Variants in THSD4 observed in about 807,000 individuals in gnomAD.
THSD4 encodes the protein thrombospondin type 1 domain containing 4.
Under a neutral mutation model 119.0 loss-of-function variants are expected in THSD4, and 69 were observed. The ratio of observed to expected loss-of-function variants is 0.58; its 90% CI spans 0.48 to 0.71. The LOEUF is 0.71. Ranked by LOEUF, THSD4 falls within the 30% of genes least tolerant of loss-of-function variation. THSD4 has a pLI of 0.00. For synonymous variants in THSD4, 524 were observed against 540.4 expected, an observed-to-expected ratio of 0.97 and a Z score of 0.42; for missense variants, 1,393 against 1,391.1, an observed-to-expected ratio of 1.00 and a Z score of -0.02.
intron 6 of THSD4, among the ~76,000 whole-genome samples, chr15:71,366,937 G>C (rs1485690661): frequency 6.6e-6 from 1 of 152,154 alleles, no homozygotes; most frequent in Non-Finnish European, 1.5e-5. Context: ...CCTTCTCCTT[G>C]GCAGAGGGAA....
At chr15:71,267,226 C>G (rs1382679154) in intron 6 of THSD4, among the ~76,000 whole-genome samples, 1 of 152,160 alleles carries the variant, frequency 6.6e-6, no homozygotes, top group African/African-American at 2.4e-5. Context: ...GTCGGGTTAC[C>G]CACAAAGGGA....
intron 6 of THSD4, among the ~76,000 whole-genome samples, chr15:71,266,019 A>T (rs1011295310): frequency 6.6e-6 from 1 of 152,180 alleles, no homozygotes; most frequent in Non-Finnish European, 1.5e-5. Context: ...GAAGGGGCGG[A>T]TGTGAGCGCA....
intron 6 of THSD4, among the ~76,000 whole-genome samples, chr15:71,384,718 A>G (rs982611702): frequency 6.6e-6 from 1 of 152,222 alleles, no homozygotes; most frequent in South Asian, 2.1e-4. Flanking sequence ...TGCACTTCTT[A>G]AAGTGCAGTG....
At chr15:71,149,539 G>C (rs756202508) in intron 2 of THSD4, among the ~76,000 whole-genome samples, 6 of 152,082 alleles carry the variant, frequency 3.9e-5, no homozygotes, top group Non-Finnish European at 7.4e-5. Flanking sequence ...GTGAGCCACT[G>C]TGCCTGGCCA....
At chr15:71,223,004 G>T (rs1371038521) in intron 4 of THSD4, among the ~76,000 whole-genome samples, 1 of 152,156 alleles carries the variant, frequency 6.6e-6, no homozygotes, top group Non-Finnish European at 1.5e-5. Flanking sequence ...TCACTGAGTT[G>T]CTGTGAGTTG....
chr15:71,378,467 TTG>T (rs942558410), intron 6 of THSD4, among the ~76,000 whole-genome samples: 5 of 152,218 alleles, frequency 3.3e-5, no homozygotes, highest in African/African-American at 1.2e-4. Flanking sequence ...CAACCACTTG[TTG>T]TGTGAGAAGA....
chr15:71,692,209 G>T (rs980306817), intron 8 of THSD4, among the ~76,000 whole-genome samples: 3 of 152,190 alleles, frequency 2.0e-5, no homozygotes, highest in East Asian at 1.9e-4. Flanking sequence ...GGGTGTATGT[G>T]CACGTGTACG....
At chr15:71,746,675 G>A (rs1030349086) in intron 12 of THSD4, among the ~76,000 whole-genome samples, 163 bp from the exon 13 acceptor site, 11 of 152,176 alleles carry the variant, frequency 7.2e-5, no homozygotes, top group African/African-American at 2.2e-4. Context: ...GATTACAGGC[G>A]TGCGCCACTG....
intron 7 of THSD4, among the ~76,000 whole-genome samples, chr15:71,511,325 G>A (rs1254599568): frequency 6.6e-6 from 1 of 152,060 alleles, no homozygotes; most frequent in Admixed American, 6.5e-5. Context: ...TTGGTTTAGG[G>A]GCCTGAAGAA....
At chr15:71,454,189 G>A (rs1224961735) in intron 7 of THSD4, among the ~76,000 whole-genome samples, 2 of 152,142 alleles carry the variant, frequency 1.3e-5, no homozygotes, top group African/African-American at 4.8e-5. Context: ...CCCAGGAGGT[G>A]GAGGTTGCAG....
chr15:71,109,997 A>G (rs923750075), intron 1 of THSD4, among the ~76,000 whole-genome samples: 1 of 152,216 alleles, frequency 6.6e-6, no homozygotes, highest in Non-Finnish European at 1.5e-5. Context: ...TTCAACAAGA[A>G]AGCCGGTTTG....
chr15:71,698,921 G>A (rs1334747135), intron 8 of THSD4, among the ~76,000 whole-genome samples: 2 of 151,940 alleles, frequency 1.3e-5, no homozygotes, highest in Non-Finnish European at 2.9e-5. Flanking sequence ...TGGCAGGAAG[G>A]GGGAAATGGG....
At chr15:71,470,849 A>G (rs1000302481) in intron 7 of THSD4, among the ~76,000 whole-genome samples, 3 of 151,780 alleles carry the variant, frequency 2.0e-5, no homozygotes, top group Non-Finnish European at 4.4e-5. Context: ...GTTAGCCAGG[A>G]TGGTCTTGAT....
intron 2 of THSD4, among the ~76,000 whole-genome samples, chr15:71,144,770 T>C (rs1000623924): frequency 6.6e-6 from 1 of 152,074 alleles, no homozygotes; most frequent in Non-Finnish European, 1.5e-5. Flanking sequence ...CAGTTAAACC[T>C]AGTAGCAGAG....
At chr15:71,451,285 T>C (rs1446878108) in intron 7 of THSD4, among the ~76,000 whole-genome samples, 1 of 152,134 alleles carries the variant, frequency 6.6e-6, no homozygotes, top group Non-Finnish European at 1.5e-5. Context: ...AGATAAAAAG[T>C]CTGTTGAGTA....
intron 7 of THSD4, among the ~76,000 whole-genome samples, chr15:71,535,725 T>TTTTTTC (rs2048680924): frequency 1.3e-5 from 2 of 152,242 alleles, no homozygotes; most frequent in Non-Finnish European, 2.9e-5. Flanking sequence ...TGACCATTTG[T>TTTTTTC]ATGTTTTTTC....
intron 7 of THSD4, among the ~76,000 whole-genome samples, chr15:71,505,679 A>T (rs2048174938): frequency 6.6e-6 from 1 of 152,226 alleles, no homozygotes; most frequent in South Asian, 2.1e-4. Flanking sequence ...CATAGATGGA[A>T]AAATAAGCTT....
intron 7 of THSD4, among the ~76,000 whole-genome samples, chr15:71,613,056 C>T (rs186254568): frequency 3.5e-4 from 54 of 152,280 alleles, no homozygotes; most frequent in African/African-American, 1.3e-3. Context: ...TTCACCTTGA[C>T]TTATGGAAAA....
chr15:71,523,083 T>G (rs2048466255), intron 7 of THSD4, among the ~76,000 whole-genome samples: 1 of 152,222 alleles, frequency 6.6e-6, no homozygotes, highest in Non-Finnish European at 1.5e-5. Context: ...TTGCTTCATT[T>G]TTAGAGATGA....
Sources: gnomAD v4.1 joint callset for allele counts (sites outside exome capture counted in the v4.1 genomes callset) on GRCh38, gnomAD v4.1.1 for gene constraint, MANE v1.5 for transcripts, NCBI Gene and HGNC (gene_info 2026-07-23, HGNC 2026-07-21) for gene names.